Variants in DRC1 observed in about 807,000 individuals in gnomAD.
DRC1 encodes the protein dynein regulatory complex subunit 1, also known as dynein regulatory complex protein 1.
Under a neutral mutation model 98.7 loss-of-function variants are expected in DRC1, and 74 were observed. That is an observed-to-expected ratio of 0.75 (90% CI 0.62 to 0.91). The LOEUF (loss-of-function observed/expected upper bound fraction) is 0.91. Ranked by LOEUF, DRC1 falls within the 40% of genes least tolerant of loss-of-function variation. The pLI, the probability that DRC1 is intolerant of heterozygous loss-of-function variation, is 0.00. For synonymous variants in DRC1, 336 were observed against 334.1 expected, an observed-to-expected ratio of 1.01 and a Z score of -0.06; for missense variants, 875 against 886.0, an observed-to-expected ratio of 0.99 and a Z score of 0.16.
At chr2:26,444,132 G>A (rs1572379694) in intron 8 of DRC1, 90 bp from the exon 9 acceptor site, 2 of 1,571,834 alleles carry the variant, frequency 1.3e-6, no homozygotes, top group Non-Finnish European at 1.7e-6. Context: ...CTGCTCCTGG[G>A]TTTGTGGTAG....
chr2:26,444,422 C>G, intron 9 of DRC1, 66 bp downstream of exon 9: 1 of 1,568,276 alleles, frequency 6.4e-7, no homozygotes. Context: ...GGAGTTTGTA[C>G]AAGCTGTGAT....
intron 3 of DRC1, among the ~76,000 whole-genome samples, chr2:26,423,612 C>T (rs1489709927): frequency 6.6e-6 from 1 of 152,172 alleles, no homozygotes; most frequent in Non-Finnish European, 1.5e-5. Context: ...GGTGGAGTTT[C>T]CATATTTGTA....
Position 26,454,788 on chromosome 2 carries a change from C to CACA in DRC1, c.2061_2062insACA (p.Tyr687_His688insThr), listed in dbSNP as rs1244660258. The CACA allele has an allele frequency of 5.6e-6, 9 of 1,614,016 alleles. No homozygotes were observed. Among genetic ancestry groups the CACA allele is most frequent in the Non-Finnish European group, 7.6e-6 (9 of 1,179,944 alleles). ...CCCTCTACACAGCCTTGGAGAAGTACCAGTAAGTGTGCATGTCATGGAGCA... is the reference window on the plus strand; with the variant it reads ...CCCTCTACACAGCCTTGGAGAAGTACACACAGTAAGTGTGCATGTCATGGAGCA... On this transcript the variant is annotated inframe_insertion and splice_region_variant, in exon 15 of 17. Transcript: ENST00000288710. The surrounding 1 kb of genome is among the most constrained non-coding windows in gnomAD (Gnocchi z 5.2).
intron 4 of DRC1, among the ~76,000 whole-genome samples, chr2:26,426,811 G>C (rs1361538823): frequency 6.6e-6 from 1 of 152,088 alleles, no homozygotes; most frequent in Non-Finnish European, 1.5e-5. Flanking sequence ...ATGATGTTGG[G>C]ATTTTGTTAA....
At chr2:26,404,618 G>A (rs1459600561) in intron 1 of DRC1, among the ~76,000 whole-genome samples, 2 of 152,174 alleles carry the variant, frequency 1.3e-5, no homozygotes, top group African/African-American at 2.4e-5. Flanking sequence ...CTTCAGGGTG[G>A]CACTAATCCC....
At chr2:26,425,605 C>T (rs1305140518) in intron 4 of DRC1, among the ~76,000 whole-genome samples, 2 of 152,132 alleles carry the variant, frequency 1.3e-5, no homozygotes, top group African/African-American at 4.8e-5. Context: ...TTTTTGATAG[C>T]TTCCGTGTTG....
At chr2:26,402,271 C>T (rs1325815068) in intron 1 of DRC1, 127 bp downstream of exon 1, 18 of 1,383,978 alleles carry the variant, frequency 1.3e-5, no homozygotes, top group Non-Finnish European at 1.5e-5. Context: ...AACGCTGGGC[C>T]GGTGCCGTGG....
intron 3 of DRC1, among the ~76,000 whole-genome samples, chr2:26,421,839 C>T (rs1453815479): frequency 6.6e-6 from 1 of 152,192 alleles, no homozygotes; most frequent in Non-Finnish European, 1.5e-5. Flanking sequence ...GAATTACAGG[C>T]GTGAGCCACC....
At chr2:26,405,042 G>A (rs1055613583) in intron 1 of DRC1, among the ~76,000 whole-genome samples, 28 of 152,156 alleles carry the variant, frequency 1.8e-4, no homozygotes, top group East Asian at 1.7e-3. Context: ...TATATTTGCC[G>A]TTGTGTTCCA....
intron 3 of DRC1, 48 bp from the exon 4 acceptor site, chr2:26,424,223 G>A (rs758270980): frequency 1.9e-6 from 3 of 1,607,224 alleles, no homozygotes; most frequent in Non-Finnish European, 2.6e-6. Flanking sequence ...CTACTGGAAG[G>A]CAGCATCTGG....
At chr2:26,442,345 G>A (rs1558450205) in intron 8 of DRC1, among the ~76,000 whole-genome samples, 1 of 152,210 alleles carries the variant, frequency 6.6e-6, no homozygotes, top group Non-Finnish European at 1.5e-5. Flanking sequence ...GTAGGATACT[G>A]ATGATGCCCT....
At chr2:26,452,341 C>T (rs1572386798) in intron 13 of DRC1, among the ~76,000 whole-genome samples, 1 of 152,188 alleles carries the variant, frequency 6.6e-6, no homozygotes, top group Non-Finnish European at 1.5e-5. Context: ...CTACAACCTC[C>T]ATCTCCCAGG....
At chr2:26,403,139 G>A (rs1678306044) in intron 1 of DRC1, among the ~76,000 whole-genome samples, 1 of 152,116 alleles carries the variant, frequency 6.6e-6, no homozygotes, top group African/African-American at 2.4e-5. Flanking sequence ...ATTTTTTAGA[G>A]CAGTTTTTAG....
At chr2:26,411,316 C>T (rs1042465397) in intron 1 of DRC1, among the ~76,000 whole-genome samples, 2 of 151,996 alleles carry the variant, frequency 1.3e-5, no homozygotes, top group Admixed American at 1.3e-4. Context: ...TTTATTTAAC[C>T]CAATATATAA....
chr2:26,436,972 G>T (rs948770220), intron 7 of DRC1, among the ~76,000 whole-genome samples: 7 of 152,126 alleles, frequency 4.6e-5, no homozygotes, highest in African/African-American at 4.8e-5. Flanking sequence ...TTCTCAGATG[G>T]TTACATCCCA....
rs1016628339 is a variant in DRC1 at position 26,431,778 on chromosome 2, T to G, written c.766-106T>G. The G allele has an allele frequency of 1.3e-4, 197 of 1,525,648 alleles. 1 individual carries two copies. Among genetic ancestry groups the G allele is most frequent in the Admixed American group, 1.6e-4 (8 of 48,986 alleles). 94.5% of individuals were successfully genotyped at this position (1,525,648 alleles called of 1,614,324 possible). The stretch of plus-strand genomic sequence containing the variant: ...AGCCACCAGACTCCCTGTGGAGCCA[T>G]GAAACTTCCAAACTCTCCCCTGTGT... On this transcript the variant is annotated intron_variant, in intron 6 of 16. Transcript: ENST00000288710.
chr2:26,434,171 G>A (rs1436361427), intron 7 of DRC1, among the ~76,000 whole-genome samples: 5 of 152,102 alleles, frequency 3.3e-5, no homozygotes, highest in African/African-American at 9.7e-5. Context: ...CACAAAAATA[G>A]GAAGGATACA....
rs974129934 is a variant in DRC1, at chr2:26,453,353, G to T, written c.1723G>T (p.Ala575Ser). ...KPCSQASMEK[A>S]SMEETSTRSE... The stretch of plus-strand genomic sequence containing the variant: ...CTGCAGTCAGGCGAGCATGGAGAAG[G>T]CGAGCATGGAGGAGACAAGCACGAG... Residue 575 changes from alanine to serine, a missense_variant, in exon 14 of 17, where the codon GCG becomes TCG. Transcript: ENST00000288710. The T allele has an allele frequency of 1.2e-6, 2 of 1,614,034 alleles. No homozygotes were observed. The highest frequency in any genetic ancestry group is 8.5e-7 in the Non-Finnish European group (1 of 1,180,036).
intron 7 of DRC1, among the ~76,000 whole-genome samples, chr2:26,439,347 C>T (rs1287391211): frequency 6.6e-6 from 1 of 152,170 alleles, no homozygotes; most frequent in Non-Finnish European, 1.5e-5. Flanking sequence ...ACGGTCTGGC[C>T]TTCCCTCTAT....
Sources: gnomAD v4.1 joint callset for allele counts (sites outside exome capture counted in the v4.1 genomes callset) on GRCh38, gnomAD v4.1.1 for gene constraint, Gnocchi (gnomAD v3.1) non-coding constraint, MANE v1.5 for transcripts, NCBI Gene and HGNC (gene_info 2026-07-23, HGNC 2026-07-21) for gene names.